Variants in WWOX observed in about 807,000 individuals in gnomAD.
The protein encoded by WWOX is WW domain containing oxidoreductase, also known as WW domain-containing oxidoreductase.
Under a neutral mutation model 46.2 loss-of-function variants are expected in WWOX, and 69 were observed. The ratio of observed to expected loss-of-function variants is 1.49; its 90% CI spans 1.23 to 1.82. WWOX has a LOEUF of 1.82. Ranked by LOEUF, WWOX falls within the 40% of genes most tolerant of loss-of-function variation. The pLI is 0.00. For synonymous variants in WWOX, 359 were observed against 202.6 expected, an observed-to-expected ratio of 1.77 and a Z score of -6.56; for missense variants, 919 against 542.6, an observed-to-expected ratio of 1.69 and a Z score of -6.89.
At chr16:79,036,265 C>G (rs1319202039) in intron 8 of WWOX, among the ~76,000 whole-genome samples, 1 of 152,160 alleles carries the variant, frequency 6.6e-6, no homozygotes, top group Non-Finnish European at 1.5e-5. Context: ...CTACTTTTTG[C>G]CCTGACTCCC....
chr16:78,184,772 C>G (rs772920228), intron 5 of WWOX, among the ~76,000 whole-genome samples: 6 of 152,050 alleles, frequency 3.9e-5, no homozygotes, highest in Non-Finnish European at 8.8e-5. Context: ...TGTGATAAGC[C>G]CTCATACTCA....
At chr16:78,229,294 G>C (rs958537958) in intron 5 of WWOX, among the ~76,000 whole-genome samples, 1 of 150,046 alleles carries the variant, frequency 6.7e-6, no homozygotes, top group Non-Finnish European at 1.5e-5. Context: ...AGAATAAAAA[G>C]AGCCAGGACT....
At chr16:79,199,130 T>C (rs1157100135) in intron 8 of WWOX, among the ~76,000 whole-genome samples, 1 of 152,208 alleles carries the variant, frequency 6.6e-6, no homozygotes, top group Non-Finnish European at 1.5e-5. Context: ...TGGTGCAATC[T>C]TGGCTCACTG....
chr16:78,229,496 T>TTATATA (rs1481481620), intron 5 of WWOX, among the ~76,000 whole-genome samples: 9 of 125,508 alleles, frequency 7.2e-5, no homozygotes, highest in African/African-American at 2.5e-4. Context: ...GTATATATAT[T>TTATATA]TATCTATATC....
intron 8 of WWOX, among the ~76,000 whole-genome samples, chr16:78,570,172 C>G (rs1489062335): frequency 6.6e-6 from 1 of 152,108 alleles, no homozygotes; most frequent in Non-Finnish European, 1.5e-5. Flanking sequence ...TTTAACTTTG[C>G]AAACAAACTC....
intron 8 of WWOX, among the ~76,000 whole-genome samples, chr16:79,190,227 G>T (rs1326392111): frequency 6.6e-6 from 1 of 152,184 alleles, no homozygotes; most frequent in Admixed American, 6.5e-5. Context: ...GTTTCACCGT[G>T]TTGGCCAGGC....
intron 8 of WWOX, among the ~76,000 whole-genome samples, chr16:78,671,408 G>C (rs186409503): frequency 2.5e-3 from 375 of 152,336 alleles, no homozygotes; most frequent in African/African-American, 8.5e-3. Context: ...CTGGGTGATA[G>C]CATGAGACTG....
intron 8 of WWOX, among the ~76,000 whole-genome samples, chr16:79,180,597 G>C (rs1039179489): frequency 6.6e-6 from 1 of 152,140 alleles, no homozygotes; most frequent in East Asian, 1.9e-4. Context: ...AGTGGAAAGA[G>C]AAAAGGAAGG....
intron 8 of WWOX, among the ~76,000 whole-genome samples, chr16:78,877,160 G>T (rs899382361): frequency 1.3e-5 from 2 of 152,092 alleles, no homozygotes; most frequent in African/African-American, 4.8e-5. Flanking sequence ...AGACGAGGAA[G>T]GAAACGAGAA....
intron 5 of WWOX, among the ~76,000 whole-genome samples, chr16:78,225,011 C>T (rs1470634018): frequency 6.6e-6 from 1 of 152,060 alleles, no homozygotes; most frequent in Non-Finnish European, 1.5e-5. Context: ...AGACATTAAC[C>T]TGTGGTTATG....
At position 78,340,017 on chromosome 16, in the gene WWOX, T is replaced by TG. The variant is rs753232185; in HGVS notation, c.517-46830dup. Among the ~76,000 whole-genome samples, 28 of 6,792 alleles carry TG rather than the reference T, an allele frequency of 4.1e-3. 1 individual carries two copies. Among genetic ancestry groups the TG allele is most frequent in the South Asian group, 0.015 (1 of 68 alleles). 4.5% of individuals were successfully genotyped at this position (6,792 alleles called of 152,430 possible). A position where few individuals can be genotyped will look rare whatever the true frequency, so the allele number is the denominator to read the frequency against. On this transcript the variant is annotated intron_variant, in intron 5 of 8. Coordinates refer to ENST00000566780, the MANE Select transcript of WWOX (RefSeq NM_016373.4). The stretch of plus-strand genomic sequence containing the variant: ...TCTTCTAGTCTTTCCATGGATTTGG[T>TG]GGGGGGGGGGGGGACGTTTCTATTT...
chr16:78,973,561 G>C (rs1261539783), intron 8 of WWOX, among the ~76,000 whole-genome samples: 1 of 151,696 alleles, frequency 6.6e-6, no homozygotes, highest in African/African-American at 2.4e-5. Flanking sequence ...TTCTTTTTTT[G>C]GGGGCAGGGG....
At chr16:78,329,127 C>T (rs1010852691) in intron 5 of WWOX, among the ~76,000 whole-genome samples, 2 of 152,118 alleles carry the variant, frequency 1.3e-5, no homozygotes, top group African/African-American at 4.8e-5. Flanking sequence ...TCCCAAAGTG[C>T]TGGGATTACA....
At chr16:78,987,878 T>G (rs1303601914) in intron 8 of WWOX, among the ~76,000 whole-genome samples, 1 of 152,182 alleles carries the variant, frequency 6.6e-6, no homozygotes, top group Non-Finnish European at 1.5e-5. Flanking sequence ...CTTTGCTGCT[T>G]ACAACATGAT....
intron 8 of WWOX, among the ~76,000 whole-genome samples, chr16:78,472,097 CAG>C (rs979645194): frequency 1.3e-5 from 2 of 152,088 alleles, no homozygotes; most frequent in East Asian, 1.9e-4. Flanking sequence ...TTGCAGTAGA[CAG>C]AGAGTTGAGG....
chr16:78,994,847 A>G (rs2046955542), intron 8 of WWOX, among the ~76,000 whole-genome samples: 1 of 151,902 alleles, frequency 6.6e-6, no homozygotes, highest in African/African-American at 2.4e-5. Flanking sequence ...GGCTCTTTTC[A>G]GGAGCTGTGA....
chr16:78,887,556 C>T (rs1385503044), intron 8 of WWOX, among the ~76,000 whole-genome samples: 1 of 150,874 alleles, frequency 6.6e-6, no homozygotes, highest in African/African-American at 2.4e-5. Context: ...CCTTCCAAAA[C>T]ACTTGAATCA....
intron 8 of WWOX, among the ~76,000 whole-genome samples, chr16:78,879,912 A>G (rs1269704505): frequency 6.6e-6 from 1 of 152,126 alleles, no homozygotes; most frequent in Non-Finnish European, 1.5e-5. Flanking sequence ...GTAATTCCTA[A>G]CAGTCTGGAA....
intron 5 of WWOX, among the ~76,000 whole-genome samples, chr16:78,352,911 C>T (rs1000343427): frequency 2.0e-5 from 3 of 152,136 alleles, no homozygotes; most frequent in African/African-American, 4.8e-5. Context: ...GAGAAAAGAT[C>T]AATCATAGCA....
Sources: allele counts gnomAD v4.1 joint callset (sites outside exome capture counted in the v4.1 genomes callset), GRCh38; gene constraint gnomAD v4.1.1; transcripts MANE v1.5; gene names NCBI Gene and HGNC (gene_info 2026-07-23, HGNC 2026-07-21).